Variants in ADAMTS3 observed in about 807,000 individuals in gnomAD.
ADAMTS3 encodes A disintegrin and metalloproteinase with thrombospondin motifs 3.
ADAMTS3 carries 73 observed loss-of-function variants against 129.0 expected under a neutral mutation model. The ratio of observed to expected loss-of-function variants is 0.57; its 90% confidence interval spans 0.47 to 0.69. ADAMTS3 has a LOEUF of 0.69. Ranked by LOEUF, ADAMTS3 falls within the 30% of genes least tolerant of loss-of-function variation. The pLI is 0.00. For missense variants in ADAMTS3, 1,457 were observed against 1,514.5 expected, an observed-to-expected ratio of 0.96 and a Z score of 0.63; for synonymous variants, 477 against 510.8, an observed-to-expected ratio of 0.93 and a Z score of 0.89.
chr4:72,522,927 T>A (rs762904938), intron 3 of ADAMTS3, among the ~76,000 whole-genome samples: 2 of 152,132 alleles, frequency 1.3e-5, no homozygotes, highest in Non-Finnish European at 2.9e-5. Context: ...TTTAACAGTA[T>A]TGTTTTCAGT....
chr4:72,501,979 A>G (rs1385975234), intron 3 of ADAMTS3, among the ~76,000 whole-genome samples: 6 of 152,076 alleles, frequency 3.9e-5, no homozygotes, highest in African/African-American at 1.4e-4. Flanking sequence ...ATCATGGTGC[A>G]TTCACTTTTT....
chr4:72,472,603 A>G lies in ADAMTS3; in HGVS notation c.505-57632T>C, dbSNP rs1719101482. On this transcript the variant is annotated intron_variant, in intron 3 of 21. Transcript: ENST00000286657. Reference sequence around the variant, plus strand: ...TCCGTTCCCCAATATATATTTAATAAGGAGACATTAAAATTAGATTCTGTT... The same window carrying G: ...TCCGTTCCCCAATATATATTTAATAGGGAGACATTAAAATTAGATTCTGTT... 2.6e-5 allele frequency among the ~76,000 whole-genome samples: 4 copies of G among 152,134 alleles called. 1 individual carries two copies. In the South Asian group the frequency reaches 8.3e-4, roughly 32 times the overall value.
At chr4:72,520,630 T>C (rs1193875103) in intron 3 of ADAMTS3, among the ~76,000 whole-genome samples, 2 of 152,146 alleles carry the variant, frequency 1.3e-5, no homozygotes, top group African/African-American at 4.8e-5. Flanking sequence ...TCCGTGGGCG[T>C]AGGACCCTCC....
chr4:72,541,750 T>A (rs533512464), intron 3 of ADAMTS3, among the ~76,000 whole-genome samples: 1 of 151,568 alleles, frequency 6.6e-6, no homozygotes, highest in African/African-American at 2.4e-5. Flanking sequence ...TGCCACTATG[T>A]AAGATGTGCC....
At chr4:72,287,588 C>G (rs1474111326) in intron 21 of ADAMTS3, among the ~76,000 whole-genome samples, 1 of 151,418 alleles carries the variant, frequency 6.6e-6, no homozygotes, top group Non-Finnish European at 1.5e-5. Context: ...GCCAGGGAGA[C>G]TAGGAGAGGG....
intron 2 of ADAMTS3, among the ~76,000 whole-genome samples, chr4:72,563,864 T>C (rs1348646894): frequency 6.6e-6 from 1 of 152,178 alleles, no homozygotes; most frequent in African/African-American, 2.4e-5. Context: ...CACTGTTTTA[T>C]GTACTAGAGA....
intron 3 of ADAMTS3, among the ~76,000 whole-genome samples, chr4:72,541,380 T>G (rs1244248236): frequency 6.6e-6 from 1 of 152,214 alleles, no homozygotes; most frequent in African/African-American, 2.4e-5. Flanking sequence ...TTTTACAGGC[T>G]CATAGGTGGA....
At chr4:72,566,057 G>A (rs1030398626) in intron 2 of ADAMTS3, among the ~76,000 whole-genome samples, 11 of 152,100 alleles carry the variant, frequency 7.2e-5, no homozygotes, top group African/African-American at 2.7e-4. Flanking sequence ...AAAAGATAAG[G>A]ATTGATGGCT....
rs532078334 is a variant in ADAMTS3, at chr4:72,430,143, A to G, written c.505-15172T>C. On this transcript the variant is annotated intron_variant, in intron 3 of 21. Transcript: ENST00000286657. ...GCCATATTACAATTGTTCTTATCCC[A>G]CATGATTTTCCAAGTGTGACCTTGG... 2.0e-3 allele frequency among the ~76,000 whole-genome samples: 304 copies of G among 152,114 alleles called. 3 individuals are homozygous for G. The highest frequency in any genetic ancestry group is 7.1e-3 in the African/African-American group (294 of 41,518).
chr4:72,418,071 A>G (rs1456934105), intron 3 of ADAMTS3, among the ~76,000 whole-genome samples: 2 of 152,274 alleles, frequency 1.3e-5, no homozygotes, highest in Non-Finnish European at 2.9e-5. Context: ...CTGAAATTCA[A>G]TGAGTATGCT....
intron 3 of ADAMTS3, among the ~76,000 whole-genome samples, chr4:72,507,293 C>T (rs1288780212): frequency 6.6e-6 from 1 of 152,104 alleles, no homozygotes; most frequent in Admixed American, 6.5e-5. Flanking sequence ...TTTCGGAGGG[C>T]AACCCCTGCT....
chr4:72,416,946 C>T (rs1029210403), intron 3 of ADAMTS3, among the ~76,000 whole-genome samples: 1 of 152,166 alleles, frequency 6.6e-6, no homozygotes, highest in African/African-American at 2.4e-5. Flanking sequence ...TATCTCATCC[C>T]TAACACCATC....
At position 72,491,002 on chromosome 4, in the gene ADAMTS3, C is replaced by T. The variant is rs550154488; in HGVS notation, c.504+57476G>A. Among the ~76,000 whole-genome samples the T allele has an allele frequency of 7.2e-5, 11 of 151,868 alleles. No homozygotes were observed. The South Asian group carries it at 1.9e-3, about 26-fold the overall frequency. On this transcript the variant is annotated intron_variant, in intron 3 of 21. Transcript: ENST00000286657. ...TTGTCTTTAATTTCCCTTATCAATG[C>T]TTTATAGTTTTTAGTGTACAAGTCT...
chr4:72,518,739 A>C (rs377028130), intron 3 of ADAMTS3, among the ~76,000 whole-genome samples: 1 of 151,208 alleles, frequency 6.6e-6, no homozygotes, highest in Admixed American at 6.6e-5. Flanking sequence ...GTCTCTGCAC[A>C]TGAGATGGGT....
intron 4 of ADAMTS3, among the ~76,000 whole-genome samples, chr4:72,389,225 T>A (rs774732198): frequency 6.6e-6 from 1 of 152,170 alleles, no homozygotes; most frequent in African/African-American, 2.4e-5. Flanking sequence ...AGGACTGTTA[T>A]GTTAATTCTT....
At chr4:72,491,817 T>C (rs1719752790) in intron 3 of ADAMTS3, among the ~76,000 whole-genome samples, 1 of 151,810 alleles carries the variant, frequency 6.6e-6, no homozygotes, top group African/African-American at 2.4e-5. Flanking sequence ...TTTCTTCGAT[T>C]TTCTGGAACA....
At chr4:72,283,959 G>A (rs1026021707) in intron 21 of ADAMTS3, among the ~76,000 whole-genome samples, 2 of 152,054 alleles carry the variant, frequency 1.3e-5, no homozygotes, top group African/African-American at 2.4e-5. Context: ...AGACCACAGA[G>A]GGTATTTTTT....
chr4:72,459,854 T>C (rs1188342686), intron 3 of ADAMTS3, among the ~76,000 whole-genome samples: 8 of 151,520 alleles, frequency 5.3e-5, no homozygotes, highest in Admixed American at 3.3e-4. Flanking sequence ...AATCTGAACA[T>C]AGAATTCATT....
intron 4 of ADAMTS3, among the ~76,000 whole-genome samples, chr4:72,379,665 G>A (rs1204511466): frequency 6.6e-6 from 1 of 151,838 alleles, no homozygotes; most frequent in Non-Finnish European, 1.5e-5. Context: ...TGTAATTCTG[G>A]GACATCTGTA....
Sources: allele counts gnomAD v4.1 joint callset (sites outside exome capture counted in the v4.1 genomes callset), GRCh38; gene constraint gnomAD v4.1.1; transcripts MANE v1.5; gene names NCBI Gene and HGNC (gene_info 2026-07-23, HGNC 2026-07-21).